Variants in CCDC68 observed in about 807,000 individuals in gnomAD.
The protein encoded by CCDC68 is coiled-coil domain containing 68.
In CCDC68, 45 loss-of-function variants were observed where a neutral mutation model predicts 47.1. The observed-to-expected ratio is 0.96, with a 90% CI of 0.75 to 1.23. CCDC68 has a LOEUF of 1.23. Among genes scored for constraint, CCDC68 ranks in the 50% most tolerant of loss-of-function variants. The pLI is 0.00. For missense variants in CCDC68, 353 were observed against 373.6 expected, an observed-to-expected ratio of 0.94 and a Z score of 0.45; for synonymous variants, 131 against 129.5, an observed-to-expected ratio of 1.01 and a Z score of -0.08.
chr18:54,934,751 G>A (rs373369807), intron 7 of CCDC68, 69 bp downstream of exon 7: 3 of 1,093,162 alleles, frequency 2.7e-6, no homozygotes, highest in East Asian at 2.8e-5. Context: ...ATTTATTTTA[G>A]TATTATTTTA....
chr18:54,942,701 T>C lies in CCDC68; in HGVS notation c.91A>G (p.Ile31Val). The change falls in exon 3 of 12, where the codon ATT becomes GTT. Residue 31 changes from isoleucine to valine, a missense_variant. Coordinates refer to ENST00000591504, the MANE Select transcript of CCDC68 (RefSeq NM_025214.3). The part of the protein sequence containing the change: ...ALYESTSAHI[I>V]EETEYVKKIR... ...TTTTTCACATACTCGGTTTCTTCAA[T>C]AATGTGAGCGGACGTAGACTCATAC... The C allele has an allele frequency of 6.2e-7, 1 of 1,604,962 alleles. No homozygotes were observed. Among genetic ancestry groups the C allele is most frequent in the Non-Finnish European group, 8.5e-7 (1 of 1,173,988 alleles).
At chr18:54,911,718 G>A (rs2145380723) in intron 10 of CCDC68, among the ~76,000 whole-genome samples, 1 of 152,260 alleles carries the variant, frequency 6.6e-6, no homozygotes, top group African/African-American at 2.4e-5. Flanking sequence ...ACACTCCCTT[G>A]ATGACAAGCA....
chr18:54,934,825 C>A lies in CCDC68; in HGVS notation c.595G>T (p.Glu199Ter), dbSNP rs1444684171. The part of the protein sequence containing the change: ...TELENLVQRM[E>*]KEKRTLLERK... ...CTAATTCTCCAGGGGCGTACCTTTTCCATTCTCTGTACAAGGTTCTCCAAT... is the reference window on the plus strand; with the variant it reads ...CTAATTCTCCAGGGGCGTACCTTTTACATTCTCTGTACAAGGTTCTCCAAT... Residue 199 changes from glutamate (E) to a stop codon, truncating the protein, a stop_gained, in exon 7 of 12, where the codon GAA becomes TAA. Transcript: ENST00000591504. LOFTEE classifies it high-confidence loss of function. 6.5e-7 allele frequency: 1 copy of A among 1,536,948 alleles called. No individual in the cohort carries two copies. The highest frequency in any genetic ancestry group is 1.3e-5 in the South Asian group (1 of 75,668).
intron 11 of CCDC68, among the ~76,000 whole-genome samples, 157 bp downstream of exon 11, chr18:54,907,629 A>G (rs1914088258): frequency 1.3e-5 from 2 of 152,236 alleles, no homozygotes; most frequent in Admixed American, 6.5e-5. Context: ...TAAATGATGA[A>G]CAAGATTAAC....
At chr18:54,951,934 G>A (rs1000197292) in intron 1 of CCDC68, among the ~76,000 whole-genome samples, 1 of 152,216 alleles carries the variant, frequency 6.6e-6, no homozygotes, top group Non-Finnish European at 1.5e-5. Flanking sequence ...AAATTCAGAT[G>A]AGAATGCCAA....
chr18:54,953,998 T>TCCCCTCTCC (rs1568166815), intron 1 of CCDC68, among the ~76,000 whole-genome samples: 51 of 9,710 alleles, frequency 5.3e-3, no homozygotes, highest in African/African-American at 0.018. Flanking sequence ...CTCCCCTCCC[T>TCCCCTCTCC]TCCCCTCCCC....
At chr18:54,904,682 G>A (rs1385182614) in intron 11 of CCDC68, among the ~76,000 whole-genome samples, 1 of 152,182 alleles carries the variant, frequency 6.6e-6, no homozygotes, top group Admixed American at 6.5e-5. Flanking sequence ...GAGAGAGGAA[G>A]AGCCTGTATC....
chr18:54,920,448 C>T (rs913362184), intron 8 of CCDC68, among the ~76,000 whole-genome samples: 19 of 151,990 alleles, frequency 1.3e-4, no homozygotes, highest in South Asian at 2.1e-4. Context: ...ACCATGTTGG[C>T]GAGGCTGGTC....
chr18:54,909,008 C>T (rs866112767), intron 10 of CCDC68, among the ~76,000 whole-genome samples: 7 of 152,308 alleles, frequency 4.6e-5, no homozygotes, highest in Middle Eastern at 3.4e-3. Flanking sequence ...CCGCACTCAG[C>T]CTCAAGTACC....
chr18:54,919,460 A>G (rs8090983), intron 8 of CCDC68, 84 bp from the exon 9 acceptor site: 368,449 of 1,096,314 alleles, frequency 0.34, 63,838 homozygotes, highest in East Asian at 0.48. Flanking sequence ...GCCCTCCTAC[A>G]CACTCTACTG....
Position 54,914,421 on chromosome 18 carries a change from C to G in CCDC68, c.873+3492G>C, listed in dbSNP as rs138177989. 1.1e-3 allele frequency among the ~76,000 whole-genome samples: 161 copies of G among 152,166 alleles called. 1 individual carries two copies. Among genetic ancestry groups the G allele is most frequent in the African/African-American group, 3.7e-3 (155 of 41,514 alleles). ...TCACCTGAGGTCAGGGGTTCGAGAC[C>G]AGCCTGGCCAACATGGTGAAACCTT... On this transcript the variant is annotated intron_variant, in intron 10 of 11. Transcript: ENST00000591504.
chr18:54,920,240 T>C (rs1317357757), intron 8 of CCDC68, among the ~76,000 whole-genome samples: 5 of 99,518 alleles, frequency 5.0e-5, no homozygotes, highest in African/African-American at 1.1e-4. Flanking sequence ...TTTTTTCTTT[T>C]TTTTTTTTTT....
At chr18:54,912,506 G>A (rs1944376) in intron 10 of CCDC68, among the ~76,000 whole-genome samples, 150,036 of 152,290 alleles carry the variant, frequency 0.99, 73,953 homozygotes, top group East Asian at 1. Flanking sequence ...TAGAAGTAAG[G>A]TAGAAAATAT....
chr18:54,955,149 C>A (rs950586543), intron 1 of CCDC68, among the ~76,000 whole-genome samples: 1 of 151,900 alleles, frequency 6.6e-6, no homozygotes, highest in African/African-American at 2.4e-5. Context: ...AGTGATGCCC[C>A]ATCTATGAAA....
intron 10 of CCDC68, among the ~76,000 whole-genome samples, chr18:54,909,659 G>A (rs372514747): frequency 5.9e-5 from 9 of 152,266 alleles, no homozygotes; most frequent in African/African-American, 2.2e-4. Context: ...CGGCCACTGT[G>A]TATAGTCAAA....
Position 54,937,883 on chromosome 18 carries a change from C to T in CCDC68, c.345+74G>A. ...TGGACATCTCTCTGCTTTTACAGAG[C>T]CACAGATGCTAACAACCCATTCTAT... On this transcript the variant is annotated intron_variant, in intron 5 of 11. Transcript: ENST00000591504. 3 of 1,360,630 alleles carry T rather than the reference C, an allele frequency of 2.2e-6. No individual in the cohort carries two copies. In the South Asian group the frequency reaches 4.3e-5, roughly 20 times the overall value. 84.3% of individuals were successfully genotyped at this position (1,360,630 alleles called of 1,614,324 possible).
rs1599013106 is a variant in CCDC68 at position 54,903,452 on chromosome 18, A to C, written c.*906T>G. ...TACACTATATATATCTTTCCAATTCATAAATTCAGATTCTTTCTGGCTGCA... is the reference window on the plus strand; with the variant it reads ...TACACTATATATATCTTTCCAATTCCTAAATTCAGATTCTTTCTGGCTGCA... On this transcript the variant is annotated 3_prime_UTR_variant, in exon 12 of 12. Transcript: ENST00000591504. 1.3e-5 allele frequency: 2 copies of C among 152,332 alleles called. No homozygotes were observed. Among genetic ancestry groups the C allele is most frequent in the South Asian group, 2.1e-4 (1 of 4,830 alleles). The allele number at this position is 152,332 out of a possible 1,614,324, so 9.4% of individuals were successfully genotyped here. A position where few individuals can be genotyped will look rare whatever the true frequency, so the allele number is the denominator to read the frequency against.
chr18:54,907,641 C>A (rs1293145578), intron 11 of CCDC68, 145 bp downstream of exon 11: 4 of 582,156 alleles, frequency 6.9e-6, no homozygotes, highest in Non-Finnish European at 1.3e-5. Flanking sequence ...AAGATTAACA[C>A]AGTTCTGAAT....
At chr18:54,949,739 CT>C (rs1433105454) in intron 1 of CCDC68, among the ~76,000 whole-genome samples, 2 of 152,182 alleles carry the variant, frequency 1.3e-5, no homozygotes, top group African/African-American at 4.8e-5. Flanking sequence ...TGCTCACTCC[CT>C]GGAGCTGGGG....
Sources: allele counts gnomAD v4.1 joint callset (sites outside exome capture counted in the v4.1 genomes callset), GRCh38; gene constraint gnomAD v4.1.1; transcripts MANE v1.5; gene names NCBI Gene and HGNC (gene_info 2026-07-23, HGNC 2026-07-21).